FAT4: variants seen among roughly 807,000 people sequenced by gnomAD.
FAT4 encodes protocadherin Fat 4.
Under a neutral mutation model 303.9 loss-of-function variants are expected in FAT4, and 84 were observed. The observed-to-expected ratio is 0.28, with a 90% confidence interval of 0.23 to 0.33. The LOEUF is 0.33. FAT4 is among the 10% of genes least tolerant of loss of function. The pLI is 1.00. For synonymous variants in FAT4, 2,307 were observed against 2,298.8 expected (o/e 1.00, Z -0.10); for missense variants, 6,005 against 6,146.8 (o/e 0.98, Z 0.77).
chr4:125,456,653 A>T, intron 10 of FAT4, among the ~76,000 whole-genome samples: 1 of 152,054 alleles, frequency 6.6e-6, no homozygotes, highest in South Asian at 2.1e-4. Context: ...TAGTTTGTTA[A>T]TTTTTTTTGT....
chr4:125,356,518 A>T (rs1371687763), intron 2 of FAT4, among the ~76,000 whole-genome samples: 1 of 148,620 alleles, frequency 6.7e-6, no homozygotes, highest in Non-Finnish European at 1.5e-5. Flanking sequence ...ATTCTTCTCT[A>T]AATTTGTAGA....
At chr4:125,422,766 G>A (rs1162307224) in intron 7 of FAT4, among the ~76,000 whole-genome samples, 2 of 152,186 alleles carry the variant, frequency 1.3e-5, no homozygotes, top group African/African-American at 4.8e-5. Context: ...TTTGGAACTG[G>A]GTAACTGGCA....
chr4:125,356,555 T>TG (rs958764158), intron 2 of FAT4, among the ~76,000 whole-genome samples: 6 of 149,152 alleles, frequency 4.0e-5, no homozygotes, highest in South Asian at 2.1e-4. Flanking sequence ...TTTTGTTTTT[T>TG]TTTTTTTTTT....
At position 125,481,525 on chromosome 4, in the gene FAT4, T is replaced by C; in HGVS notation, c.12609T>C (p.Val4203=). ...GLTGKYCEKS[V]TPDTALSLEG... ...CTTTTTTCCTTTGACTTCCAGCTGT[T>C]ACTCCTGACACTGCCTTATCATTAG... Residue 4203 remains valine, a synonymous_variant, in exon 16 of 18, where the codon GTT becomes GTC. Coordinates refer to ENST00000394329, the MANE Select transcript of FAT4 (RefSeq NM_001291303.3). 6.2e-7 allele frequency: 1 copy of C among 1,613,840 alleles called. No individual in the cohort carries two copies. The highest frequency in any genetic ancestry group is 8.5e-7 in the Non-Finnish European group (1 of 1,179,802).
At chr4:125,452,884 A>C in intron 10 of FAT4, 74 bp downstream of exon 10, 1 of 1,477,950 alleles carries the variant, frequency 6.8e-7, no homozygotes, top group African/African-American at 1.4e-5. Context: ...TAATTTTATC[A>C]TTTTCCAATG....
Position 125,407,112 on chromosome 4 carries a change from C to A in FAT4, c.5540C>A (p.Ser1847Tyr), listed in dbSNP as rs776027463. 2 of 1,613,420 alleles carry A rather than the reference C, an allele frequency of 1.2e-6. No individual in the cohort carries two copies. The highest frequency in any genetic ancestry group is 1.3e-5 in the African/African-American group (1 of 74,982). Residue 1847 changes from serine to tyrosine, a missense_variant, in exon 4 of 18, where the codon TCT (serine) becomes TAT (tyrosine). By Grantham distance (144) the Ser-to-Tyr change is moderately radical. Transcript: ENST00000394329. ...CCCAAATTTTCCAGACCCGTGTACT[C>A]TTTTGACATTCCTGAGGACACAATC... ...HTPKFSRPVYSFDIPEDTIPG... is the reference protein window; with the variant it reads ...HTPKFSRPVYYFDIPEDTIPG...
intron 9 of FAT4, among the ~76,000 whole-genome samples, chr4:125,447,420 A>G (rs1221216538): frequency 1.3e-5 from 2 of 152,110 alleles, no homozygotes; most frequent in East Asian, 3.9e-4. Flanking sequence ...TCATAAATTT[A>G]TGTGCCAACT....
chr4:125,398,028 G>C (rs902597271), intron 2 of FAT4, among the ~76,000 whole-genome samples: 9 of 152,174 alleles, frequency 5.9e-5, no homozygotes, highest in Non-Finnish European at 1.0e-4. Context: ...TGAGCTATTA[G>C]CACCTAACTC....
rs898691162 is a variant in FAT4, at chr4:125,398,898, G to A, written c.5290G>A (p.Ala1764Thr). The change falls in exon 3 of 18, where the codon GCC becomes ACC. Residue 1764 changes from alanine (A) to threonine (T), a missense_variant. Physicochemically the swap from Ala to Thr is moderately conservative, Grantham distance 58 (BLOSUM62 0). Transcript: ENST00000394329. ...TGGCTCTAAGATTATGCAGCTGACAGCCATGGATGCTGATGAGGTAGCTCA... is the reference window on the plus strand; with the variant it reads ...TGGCTCTAAGATTATGCAGCTGACAACCATGGATGCTGATGAGGTAGCTCA... ...GDGSKIMQLT[A>T]MDADEGANAL... 6.2e-7 allele frequency: 1 copy of A among 1,613,076 alleles called. No homozygotes were observed.
At position 125,463,681 on chromosome 4, in the gene FAT4, A is replaced by T. The variant is rs1218576774; in HGVS notation, c.11905+14A>T. Reference sequence around the variant, plus strand: ...ATTGTCCATTTGGTGAGTAAAACTTATTTGTTGATATAAAATATAAGTTTA... The same window carrying T: ...ATTGTCCATTTGGTGAGTAAAACTTTTTTGTTGATATAAAATATAAGTTTA... On this transcript the variant is annotated intron_variant, in intron 11 of 17. Coordinates refer to ENST00000394329, the MANE Select transcript of FAT4 (RefSeq NM_001291303.3). 1 of 1,479,182 alleles carries T rather than the reference A, an allele frequency of 6.8e-7. No homozygotes were observed. The highest frequency in any genetic ancestry group is 9.2e-7 in the Non-Finnish European group (1 of 1,089,414). The allele number at this position is 1,479,182 out of a possible 1,614,324, so 91.6% of individuals were successfully genotyped here. A position where few individuals can be genotyped will look rare whatever the true frequency, so the allele number is the denominator to read the frequency against.
intron 2 of FAT4, among the ~76,000 whole-genome samples, chr4:125,341,046 G>T (rs907050303): frequency 1.3e-5 from 2 of 152,094 alleles, no homozygotes; most frequent in African/African-American, 4.8e-5. Context: ...ACCTTTAACA[G>T]AATAGTTTTT....
At chr4:125,458,637 G>A (rs1726376948) in intron 10 of FAT4, among the ~76,000 whole-genome samples, 1 of 151,870 alleles carries the variant, frequency 6.6e-6, no homozygotes, top group Non-Finnish European at 1.5e-5. Context: ...AATAACGTAT[G>A]TTTCTAAGAA....
At chr4:125,413,747 G>T (rs1015597659) in intron 5 of FAT4, among the ~76,000 whole-genome samples, 6 of 151,840 alleles carry the variant, frequency 4.0e-5, no homozygotes, top group Non-Finnish European at 5.9e-5. Context: ...TAATGAGAAA[G>T]AATTTTTTTA....
chr4:125,321,533 G>T lies in FAT4; in HGVS notation c.5122G>T (p.Asp1708Tyr), dbSNP rs778860447. 15 of 1,613,770 alleles carry T rather than the reference G, an allele frequency of 9.3e-6. No individual in the cohort carries two copies. The highest frequency in any genetic ancestry group is 5.0e-5 in the Admixed American group (3 of 59,976). The stretch of plus-strand genomic sequence containing the variant: ...GCAAGGAGCATGTCTTTACCTGGTG[G>T]ATGTTTATGCCATAGAAAAATCAAC... ...REQGACLYLV[D>Y]VYAIEKSTAF... The change falls in exon 2 of 18, where the codon GAT becomes TAT. Residue 1708 changes from aspartate (D) to tyrosine (Y), a missense_variant. Transcript: ENST00000394329.
At chr4:125,430,136 T>C (rs2126040509) in intron 7 of FAT4, among the ~76,000 whole-genome samples, 1 of 142,326 alleles carries the variant, frequency 7.0e-6, no homozygotes, top group East Asian at 2.1e-4. Context: ...GTTGTGCACA[T>C]GTACCCTAGA....
chr4:125,379,450 T>G (rs1733455103), intron 2 of FAT4, among the ~76,000 whole-genome samples: 1 of 152,056 alleles, frequency 6.6e-6, no homozygotes, highest in South Asian at 2.1e-4. Flanking sequence ...AATAAAAGAC[T>G]TTTTATTTTT....
intron 2 of FAT4, among the ~76,000 whole-genome samples, chr4:125,359,979 C>CA (rs1192196661): frequency 1.1e-4 from 16 of 152,132 alleles, no homozygotes; most frequent in Admixed American, 1.0e-3. Context: ...TCCACTCGCC[C>CA]AAATTCCCTA....
chr4:125,352,955 G>A (rs577060346), intron 2 of FAT4, among the ~76,000 whole-genome samples: 1 of 151,820 alleles, frequency 6.6e-6, no homozygotes, highest in East Asian at 1.9e-4. Context: ...GGACATAATA[G>A]GACCTTGATG....
At chr4:125,369,022 A>C (rs944547235) in intron 2 of FAT4, among the ~76,000 whole-genome samples, 17 of 152,300 alleles carry the variant, frequency 1.1e-4, no homozygotes, top group African/African-American at 3.6e-4. Flanking sequence ...TGAATATGCC[A>C]AGGGAGAGTC....
Sources: allele counts gnomAD v4.1 joint callset (sites outside exome capture counted in the v4.1 genomes callset), GRCh38; gene constraint gnomAD v4.1.1; transcripts MANE v1.5; gene names NCBI Gene and HGNC (gene_info 2026-07-23, HGNC 2026-07-21).